Variants in GLIS3 observed in about 807,000 individuals in gnomAD.
GLIS3 encodes the protein zinc finger protein GLIS3.
A neutral mutation model predicts 78.6 loss-of-function variants in GLIS3; 53 were observed. The observed-to-expected ratio is 0.67, with a 90% CI of 0.54 to 0.85. The LOEUF is 0.85. GLIS3 is among the 40% of genes least tolerant of loss of function. GLIS3 has a pLI of 0.00. For synonymous variants in GLIS3, 684 were observed against 509.9 expected, an observed-to-expected ratio of 1.34 and a Z score of -4.60; for missense variants, 1,703 against 1,231.1, an observed-to-expected ratio of 1.38 and a Z score of -5.74.
the GLIS3 span, among the ~76,000 whole-genome samples, chr9:4,417,705 A>ATTT: frequency 1.3e-5 from 2 of 152,192 alleles, no homozygotes; most frequent in African/African-American, 2.4e-5. Flanking sequence ...GTCCTCAAAA[A>ATTT]GGTCATCTAA....
intron 2 of GLIS3, among the ~76,000 whole-genome samples, chr9:4,228,198 CAAAAAA>C (rs59507597): frequency 2.3e-4 from 25 of 107,058 alleles, no homozygotes; most frequent in African/African-American, 8.3e-4. Flanking sequence ...TCTAAGGTGG[CAAAAAA>C]AAAAAAAAAA....
chr9:4,300,693 C>G (rs549792003), upstream of GLIS3, among the ~76,000 whole-genome samples: 2 of 151,992 alleles, frequency 1.3e-5, no homozygotes, highest in African/African-American at 4.8e-5. Context: ...AATTCAACAT[C>G]CTCAGCCTCA....
At chr9:3,967,298 G>A (rs920238428) in intron 4 of GLIS3, among the ~76,000 whole-genome samples, 9 of 152,148 alleles carry the variant, frequency 5.9e-5, no homozygotes, top group Admixed American at 5.9e-4. Flanking sequence ...AAGATCAGGA[G>A]TTCAAGACCA....
At chr9:4,469,612 G>A in the GLIS3 span, among the ~76,000 whole-genome samples, 2 of 152,168 alleles carry the variant, frequency 1.3e-5, no homozygotes, top group African/African-American at 4.8e-5. Flanking sequence ...CAACATACCA[G>A]AATCTCTGAG....
chr9:3,874,328 G>T (rs962400569), intron 8 of GLIS3, among the ~76,000 whole-genome samples: 1 of 152,228 alleles, frequency 6.6e-6, no homozygotes, highest in African/African-American at 2.4e-5. Context: ...ACACATGGAG[G>T]TTCCTGGAGG....
intron 2 of GLIS3, among the ~76,000 whole-genome samples, chr9:4,328,551 G>A (rs1275341259): frequency 1.3e-5 from 2 of 152,190 alleles, no homozygotes; most frequent in East Asian, 1.9e-4. Flanking sequence ...GAAATCTAGA[G>A]GGGCCAAGCC....
the GLIS3 span, among the ~76,000 whole-genome samples, chr9:4,387,509 C>G: frequency 2.6e-5 from 4 of 152,144 alleles, no homozygotes; most frequent in Non-Finnish European, 4.4e-5. Flanking sequence ...CTAGAGATGG[C>G]TGCATGCAAG....
intron 2 of GLIS3, among the ~76,000 whole-genome samples, chr9:4,256,204 TAA>T (rs1297005614): frequency 6.6e-6 from 1 of 152,102 alleles, no homozygotes; most frequent in Non-Finnish European, 1.5e-5. Context: ...TCAATGAGAA[TAA>T]GAGAGGCAAT....
intron 4 of GLIS3, among the ~76,000 whole-genome samples, chr9:4,013,793 G>A (rs1410218582): frequency 2.0e-5 from 3 of 152,200 alleles, no homozygotes; most frequent in Non-Finnish European, 4.4e-5. Flanking sequence ...GTCACAGGCA[G>A]GCTAGGTAGG....
At chr9:3,982,953 TGA>T (rs1323769423) in intron 4 of GLIS3, among the ~76,000 whole-genome samples, 4 of 152,140 alleles carry the variant, frequency 2.6e-5, no homozygotes, top group African/African-American at 9.7e-5. Context: ...AAAATCAAAG[TGA>T]AGGACATTGA....
intron 4 of GLIS3, among the ~76,000 whole-genome samples, chr9:4,087,459 A>C (rs1193919120): frequency 2.0e-5 from 3 of 152,196 alleles, no homozygotes. Context: ...ACAGGAAAAC[A>C]ATCGGCAATT....
At chr9:4,464,901 AC>A in the GLIS3 span, among the ~76,000 whole-genome samples, 1 of 152,024 alleles carries the variant, frequency 6.6e-6, no homozygotes, top group Non-Finnish European at 1.5e-5. Flanking sequence ...ATGAGAAGAA[AC>A]CCCCCAAAAT....
At chr9:4,262,796 A>C (rs762582503) in intron 2 of GLIS3, among the ~76,000 whole-genome samples, 39 of 152,208 alleles carry the variant, frequency 2.6e-4, no homozygotes, top group Middle Eastern at 3.4e-3. Flanking sequence ...TTATCACAGC[A>C]TCCCCTGAAA....
intron 4 of GLIS3, among the ~76,000 whole-genome samples, chr9:4,000,186 G>C (rs1458575198): frequency 6.6e-6 from 1 of 152,122 alleles, no homozygotes; most frequent in Non-Finnish European, 1.5e-5. Context: ...ACATCAACAT[G>C]GATAACTCTT....
At chr9:4,480,128 G>T in the GLIS3 span, among the ~76,000 whole-genome samples, 46 of 149,482 alleles carry the variant, frequency 3.1e-4, 1 homozygote, top group Middle Eastern at 0.021. Flanking sequence ...AGTGACAGAT[G>T]TTATAGGTGG....
At chr9:3,952,887 A>G (rs1816796009) in intron 4 of GLIS3, among the ~76,000 whole-genome samples, 1 of 152,186 alleles carries the variant, frequency 6.6e-6, no homozygotes, top group African/African-American at 2.4e-5. Context: ...TTCAGGCCAC[A>G]CTTCGTTTAG....
intron 4 of GLIS3, among the ~76,000 whole-genome samples, chr9:4,032,915 G>A (rs962816097): frequency 2.0e-5 from 3 of 151,490 alleles, no homozygotes; most frequent in Non-Finnish European, 4.4e-5. Context: ...GTGCGGTGGC[G>A]CAATCTCGGC....
At chr9:4,272,089 C>T (rs1440414336) in intron 2 of GLIS3, among the ~76,000 whole-genome samples, 1 of 152,156 alleles carries the variant, frequency 6.6e-6, no homozygotes, top group Non-Finnish European at 1.5e-5. Context: ...CAATGGCCGA[C>T]CCAGAGTAAG....
intron 4 of GLIS3, among the ~76,000 whole-genome samples, chr9:3,960,963 G>T (rs899703513): frequency 6.6e-6 from 1 of 152,150 alleles, no homozygotes; most frequent in Non-Finnish European, 1.5e-5. Context: ...TTGCTGAATG[G>T]TGTAATTGGC....
Sources: gnomAD v4.1 joint callset for allele counts (sites outside exome capture counted in the v4.1 genomes callset) on GRCh38, gnomAD v4.1.1 for gene constraint, MANE v1.5 for transcripts, NCBI Gene and HGNC (gene_info 2026-07-23, HGNC 2026-07-21) for gene names.